The following SGIP1 variants were observed in gnomAD, a reference collection of about 807,000 sequenced individuals.
The protein encoded by SGIP1 is SH3-containing GRB2-like protein 3-interacting protein 1.
SGIP1 carries 38 observed loss-of-function variants against 107.5 expected under a neutral mutation model. The observed-to-expected ratio is 0.35, with a 90% CI of 0.27 to 0.46. SGIP1 has a LOEUF of 0.46. Among genes scored for constraint, SGIP1 ranks in the 20% least tolerant of loss-of-function variants. The pLI is 1.00. For synonymous variants in SGIP1, 365 were observed against 366.1 expected, an observed-to-expected ratio of 1.00 and a Z score of 0.03; for missense variants, 929 against 1,019.5, an observed-to-expected ratio of 0.91 and a Z score of 1.21.
At chr1:66,691,106 T>A (rs1314100625) in intron 17 of SGIP1, among the ~76,000 whole-genome samples, 1 of 152,190 alleles carries the variant, frequency 6.6e-6, no homozygotes, top group Admixed American at 6.5e-5. Flanking sequence ...CCTAGGGCTT[T>A]CCCATTCCAT....
At chr1:66,655,008 A>G (rs927960272) in intron 7 of SGIP1, among the ~76,000 whole-genome samples, 7 of 152,214 alleles carry the variant, frequency 4.6e-5, no homozygotes, top group African/African-American at 1.7e-4. Flanking sequence ...AATCAAAATG[A>G]GTTTCCAAAG....
intron 7 of SGIP1, among the ~76,000 whole-genome samples, chr1:66,659,262 G>C (rs186952799): frequency 6.6e-6 from 1 of 152,314 alleles, no homozygotes; most frequent in Non-Finnish European, 1.5e-5. Context: ...CTCATGTGCT[G>C]TCAGTGAAAG....
intron 16 of SGIP1, 87 bp downstream of exon 16, chr1:66,689,362 G>C (rs2089293982): frequency 6.7e-7 from 1 of 1,498,260 alleles, no homozygotes; most frequent in Admixed American, 2.1e-5. Context: ...AGCGTTTAGA[G>C]AACTCGTACA....
intron 1 of SGIP1, among the ~76,000 whole-genome samples, chr1:66,593,373 G>T (rs1328178042): frequency 6.6e-6 from 1 of 152,122 alleles, no homozygotes; most frequent in Non-Finnish European, 1.5e-5. Flanking sequence ...CTGCTAGATT[G>T]TCTTCCAAAG....
rs182892155 is a variant in SGIP1, at chr1:66,750,970, C to T, written c.*7875C>T. On this transcript the variant is annotated 3_prime_UTR_variant, in exon 25 of 25. Coordinates refer to ENST00000371037, the MANE Select transcript of SGIP1 (RefSeq NM_032291.4). ...TTTTTGTTCATAATTTTCCCAATCA[C>T]CTATTTCACAAAATCCTGAATATGC... Among the ~76,000 whole-genome samples the T allele has an allele frequency of 5.6e-4, 85 of 152,264 alleles. No homozygotes were observed. The highest frequency in any genetic ancestry group is 2.0e-3 in the African/African-American group (83 of 41,560).
chr1:66,613,013 C>T (rs779234144), intron 1 of SGIP1, among the ~76,000 whole-genome samples: 4 of 152,186 alleles, frequency 2.6e-5, no homozygotes, highest in Non-Finnish European at 4.4e-5. Flanking sequence ...GGAGAGTTTG[C>T]ATTTCATAAC....
chr1:66,688,225 G>A (rs2088932409), intron 15 of SGIP1, among the ~76,000 whole-genome samples: 1 of 152,206 alleles, frequency 6.6e-6, no homozygotes, highest in African/African-American at 2.4e-5. Flanking sequence ...AACCTCAGGA[G>A]TAGTCAGAAC....
chr1:66,555,164 G>T (rs931333358), intron 1 of SGIP1, among the ~76,000 whole-genome samples: 1 of 152,022 alleles, frequency 6.6e-6, no homozygotes, highest in Non-Finnish European at 1.5e-5. Flanking sequence ...ATTTCAAGTT[G>T]CACATATTCC....
At chr1:66,591,130 C>T (rs1379933564) in intron 1 of SGIP1, among the ~76,000 whole-genome samples, 1 of 152,224 alleles carries the variant, frequency 6.6e-6, no homozygotes, top group East Asian at 1.9e-4. Context: ...CATCTTACTG[C>T]AGGAGTGAGA....
At chr1:66,742,144 T>C (rs1363062787) in intron 24 of SGIP1, among the ~76,000 whole-genome samples, 6 of 152,186 alleles carry the variant, frequency 3.9e-5, no homozygotes, top group African/African-American at 1.4e-4. Context: ...TTGTCAGGTT[T>C]AGCTGAGATC....
At chr1:66,680,889 T>C (rs952771092) in intron 14 of SGIP1, among the ~76,000 whole-genome samples, 1 of 152,238 alleles carries the variant, frequency 6.6e-6, no homozygotes, top group African/African-American at 2.4e-5. Flanking sequence ...CAATTTGTAA[T>C]GTGAATAATC....
At chr1:66,608,051 G>A (rs750639577) in intron 1 of SGIP1, among the ~76,000 whole-genome samples, 7 of 152,178 alleles carry the variant, frequency 4.6e-5, no homozygotes, top group African/African-American at 9.7e-5. Context: ...TCCAGACAGC[G>A]TGAAAATGGG....
intron 23 of SGIP1, 105 bp downstream of exon 23, chr1:66,740,827 A>G (rs1557825182): frequency 5.7e-6 from 4 of 699,316 alleles, no homozygotes; most frequent in Non-Finnish European, 9.7e-6. Context: ...CAAGCAGAAT[A>G]TTTCACTCCA....
At chr1:66,588,638 C>CTTTTTTTTTTTTTTTTT (rs35096597) in intron 1 of SGIP1, among the ~76,000 whole-genome samples, 9 of 98,658 alleles carry the variant, frequency 9.1e-5, no homozygotes, top group East Asian at 3.1e-4. Flanking sequence ...CTAGTTAGTT[C>CTTTTTTTTTTTTTTTTT]TTTTTTTTTT....
At chr1:66,595,498 C>CA (rs1273842595) in intron 1 of SGIP1, among the ~76,000 whole-genome samples, 8 of 152,152 alleles carry the variant, frequency 5.3e-5, no homozygotes, top group South Asian at 2.1e-4. Context: ...ATCAAGTTTT[C>CA]ACCATAATAA....
intron 14 of SGIP1, among the ~76,000 whole-genome samples, chr1:66,680,991 G>T (rs1007382541): frequency 6.6e-6 from 1 of 152,180 alleles, no homozygotes; most frequent in African/African-American, 2.4e-5. Context: ...AAAAAGAATA[G>T]CTTATGCTAA....
chr1:66,651,069 G>T (rs2078660705), intron 7 of SGIP1, among the ~76,000 whole-genome samples: 1 of 152,176 alleles, frequency 6.6e-6, no homozygotes, highest in Non-Finnish European at 1.5e-5. Context: ...ATTAAGGAAT[G>T]CATATAAGGT....
chr1:66,614,558 G>T (rs2068746645), intron 1 of SGIP1, among the ~76,000 whole-genome samples: 1 of 152,030 alleles, frequency 6.6e-6, no homozygotes, highest in African/African-American at 2.4e-5. Flanking sequence ...ATTTCTATGT[G>T]TGTTTATCTG....
At chr1:66,716,442 T>C (rs2093248245) in intron 18 of SGIP1, among the ~76,000 whole-genome samples, 1 of 152,178 alleles carries the variant, frequency 6.6e-6, no homozygotes. Flanking sequence ...GCTTTTCTCA[T>C]CATTTTTATC....
Sources: gnomAD v4.1 joint callset for allele counts (sites outside exome capture counted in the v4.1 genomes callset) on GRCh38, gnomAD v4.1.1 for gene constraint, MANE v1.5 for transcripts, NCBI Gene and HGNC (gene_info 2026-07-23, HGNC 2026-07-21) for gene names.